Variants in TNXB observed in about 807,000 individuals in gnomAD.
TNXB encodes the protein tenascin-X.
In TNXB, 183 loss-of-function variants were observed where a neutral mutation model predicts 340.5. The ratio of observed to expected loss-of-function variants is 0.54; its 90% CI spans 0.48 to 0.61. The LOEUF (loss-of-function observed/expected upper bound fraction) is 0.61, where lower values mean the gene tolerates loss of function less well. TNXB is among the 20% of genes least tolerant of loss of function. TNXB has a pLI of 0.00. For missense variants in TNXB, 4,613 were observed against 5,446.4 expected (o/e 0.85, Z 4.82); for synonymous variants, 2,121 against 2,314.5 (o/e 0.92, Z 2.40).
rs145762911 is a variant in TNXB at position 32,054,860 on chromosome 6, C to G, written c.8467+991G>C. 9.1e-4 allele frequency among the ~76,000 whole-genome samples: 138 copies of G among 152,338 alleles called. 2 individuals are homozygous for G. In the East Asian group the frequency reaches 0.025, roughly 27 times the overall value. ...TGGGGCTGGCCTGGCACAGTCTGGT[C>G]TTGGCGTGGTCCAGTTGAACAGACA... On this transcript the variant is annotated intron_variant, in intron 24 of 43. Coordinates refer to ENST00000644971, the MANE Select transcript of TNXB (RefSeq NM_001365276.2).
rs188755667 is a variant in TNXB at position 32,109,327 on chromosome 6, G to C, written c.-155C>G. The C allele has an allele frequency of 4.6e-5, 7 of 152,312 alleles. No individual in the cohort carries two copies. Among genetic ancestry groups the C allele is most frequent in the Non-Finnish European group, 8.8e-5 (6 of 68,100 alleles). The allele number at this position is 152,312 out of a possible 1,614,324, so 9.4% of individuals were successfully genotyped here. ...ACAACCGACTGTGGATCTCGGCAGC[G>C]ACAGTGAGGAGGGAGTCTGCAGCGA... On this transcript the variant is annotated 5_prime_UTR_variant, in exon 1 of 44. Transcript: ENST00000644971.
chr6:32,086,223 A>G, intron 6 of TNXB, 105 bp from the exon 7 acceptor site: 2 of 1,327,782 alleles, frequency 1.5e-6, no homozygotes, highest in African/African-American at 1.5e-5. Context: ...GCCTTGTTCT[A>G]CTTCTACTTC....
intron 6 of TNXB, among the ~76,000 whole-genome samples, chr6:32,088,166 A>C (rs1779902548): frequency 1.3e-5 from 2 of 151,964 alleles, no homozygotes; most frequent in South Asian, 2.1e-4. Flanking sequence ...CAGCCCCCCC[A>C]TTCCCCTCCA....
chr6:32,043,929 C>G (rs775589079), intron 34 of TNXB, 37 bp from the exon 35 acceptor site: 1 of 1,613,056 alleles, frequency 6.2e-7, no homozygotes, highest in East Asian at 2.2e-5. Flanking sequence ...CCCAGGGAAC[C>G]CCAGGGCAGC....
At position 32,048,084 on chromosome 6, in the gene TNXB, T is replaced by TG. The variant is rs1777015689; in HGVS notation, c.10046-73dup. 5.2e-6 allele frequency: 8 copies of TG among 1,531,148 alleles called. No homozygotes were observed. The Admixed American group carries it at 1.3e-4, about 24-fold the overall frequency. The allele number at this position is 1,531,148 out of a possible 1,614,324, so 94.8% of individuals were successfully genotyped here. Reference sequence around the variant, plus strand: ...GGCCACGGAGCTTCCTGGGCTGCTATGGCTCTGTGAGCCGGTCCCAGGAAC... The same window carrying TG: ...GGCCACGGAGCTTCCTGGGCTGCTATGGGCTCTGTGAGCCGGTCCCAGGAAC... On this transcript the variant is annotated intron_variant, in intron 29 of 43. Coordinates refer to ENST00000644971, the MANE Select transcript of TNXB (RefSeq NM_001365276.2).
chr6:32,053,059 A>G, intron 25 of TNXB, 66 bp from the exon 26 acceptor site: 1 of 1,527,612 alleles, frequency 6.5e-7, no homozygotes, highest in Non-Finnish European at 8.9e-7. Flanking sequence ...CTTGTGAGGA[A>G]GGAGAGCGAA....
Position 32,056,742 on chromosome 6 carries a change from T to C in TNXB, c.7987A>G (p.Arg2663Gly), listed in dbSNP as rs1264783637. The stretch of plus-strand genomic sequence containing the variant: ...GCCTTGGGCTGCCCATCCCCATTCC[T>C]GTACTGGACCAGGAAGTGGTCAAAC... The part of the protein sequence containing the change: ...GQFDHFLVQY[R>G]NGDGQPKAVR... Residue 2663 changes from arginine to glycine, a missense_variant, in exon 23 of 44, where the codon AGG becomes GGG. Arg to Gly is a moderately radical substitution (Grantham distance 125). Transcript: ENST00000644971. 1.2e-6 allele frequency: 2 copies of C among 1,613,146 alleles called. No individual in the cohort carries two copies. Among genetic ancestry groups the C allele is most frequent in the Admixed American group, 3.3e-5 (2 of 60,004 alleles).
In TNXB at chr6:32,070,814, GC is replaced by G. The variant is rs1396729550; in HGVS notation, c.4991-401del. ...CCTGAGGAAAGGGGTGATTTGGCCGGCCCCGAGGAGCGCAGGATCCCTGATG... is the reference window on the plus strand; with the variant it reads ...CCTGAGGAAAGGGGTGATTTGGCCGGCCCGAGGAGCGCAGGATCCCTGATG... On this transcript the variant is annotated intron_variant, in intron 13 of 43. Coordinates refer to ENST00000644971, the MANE Select transcript of TNXB (RefSeq NM_001365276.2). This position sits in a 1 kb window ranked among gnomAD's most constrained non-coding sequence, Gnocchi z 6.0. 6.6e-6 allele frequency among the ~76,000 whole-genome samples: 1 copy of G among 152,180 alleles called. No homozygotes were observed. Among genetic ancestry groups the G allele is most frequent in the Non-Finnish European group, 1.5e-5 (1 of 68,022 alleles).
chr6:32,088,258 G>A (rs1041978052), intron 6 of TNXB, among the ~76,000 whole-genome samples: 3 of 152,174 alleles, frequency 2.0e-5, no homozygotes, highest in East Asian at 3.8e-4. Context: ...AAGGGGAGTC[G>A]GGGAAGAGAA....
chr6:32,069,515 G>T lies in TNXB; in HGVS notation c.5587+38C>A. The T allele has an allele frequency of 6.6e-7, 1 of 1,517,926 alleles. No homozygotes were observed. The highest frequency in any genetic ancestry group is 8.8e-7 in the Non-Finnish European group (1 of 1,131,618). 94.0% of individuals were successfully genotyped at this position (1,517,926 alleles called of 1,614,324 possible). On this transcript the variant is annotated intron_variant, in intron 15 of 43. Transcript: ENST00000644971. This position sits in a 1 kb window ranked among gnomAD's most constrained non-coding sequence, Gnocchi z 6.2. ...TCAGTCAGACCAGGAGAGCCAGGCG[G>T]GAAGGAGGCACAGGTGTTCCAGCTG...
At chr6:32,065,621 T>G (rs1404959796) in intron 18 of TNXB, among the ~76,000 whole-genome samples, 1 of 152,036 alleles carries the variant, frequency 6.6e-6, no homozygotes, top group African/African-American at 2.4e-5. Flanking sequence ...ATTTTATTAT[T>G]TATTTATTTA....
Position 32,097,472 on chromosome 6 carries a change from A to T in TNXB, c.404-23T>A. Reference sequence around the variant, plus strand: ...GACCTGGAGTAGGAGGGGAGAGGCAAGTCTCAGTCTCTCTCCTGGGAGAGA... The same window carrying T: ...GACCTGGAGTAGGAGGGGAGAGGCATGTCTCAGTCTCTCTCCTGGGAGAGA... On this transcript the variant is annotated intron_variant, in intron 2 of 43. Coordinates refer to ENST00000644971, the MANE Select transcript of TNXB (RefSeq NM_001365276.2). The surrounding 1 kb of genome is among the most constrained non-coding windows in gnomAD (Gnocchi z 5.9). The T allele has an allele frequency of 6.4e-7, 1 of 1,572,644 alleles. No homozygotes were observed. Among genetic ancestry groups the T allele is most frequent in the Non-Finnish European group, 8.6e-7 (1 of 1,162,696 alleles).
At position 32,097,129 on chromosome 6, in the gene TNXB, G is replaced by A; in HGVS notation, c.724C>T (p.Pro242Ser). ...GGGCAGGAGCGCTGGCTGCAGTCGG[G>A]GCCTGAGAAGCCTGCCCGGCACACA... ...VCVCRAGFSG[P>S]DCSQRSCPRG... The change falls in exon 3 of 44, where the codon CCC becomes TCC. Residue 242 changes from proline (P) to serine (S), a missense_variant. Pro to Ser is a moderately conservative substitution (Grantham distance 74). Around this residue, in one of 7 missense-constraint regions of TNXB, gnomAD observed 4,327 missense variants for 4,859.4 expected, o/e 0.89. Coordinates refer to ENST00000644971, the MANE Select transcript of TNXB (RefSeq NM_001365276.2). The surrounding 1 kb of genome is among the most constrained non-coding windows in gnomAD (Gnocchi z 5.9). 1 of 1,607,120 alleles carries A rather than the reference G, an allele frequency of 6.2e-7. No individual in the cohort carries two copies. The highest frequency in any genetic ancestry group is 1.1e-5 in the South Asian group (1 of 90,064).
At chr6:32,091,480 ATT>A (rs778449973) in intron 4 of TNXB, among the ~76,000 whole-genome samples, 4 of 122,758 alleles carry the variant, frequency 3.3e-5, no homozygotes, top group Non-Finnish European at 3.5e-5. Flanking sequence ...TGCTTCACTG[ATT>A]TTTTTTTTTT....
chr6:32,079,040 G>A lies in TNXB; in HGVS notation c.4368C>T (p.Gly1456=), dbSNP rs751200506. ...GQRVGPVSAV[G]VTAPQQEETP... ...CCCCTGCCCCTCACTCACCTGTCACGCCCACGGCGGACACCGGGCCCACGC... is the reference window on the plus strand; with the variant it reads ...CCCCTGCCCCTCACTCACCTGTCACACCCACGGCGGACACCGGGCCCACGC... The change falls in exon 11 of 44, where the codon GGC becomes GGT. Residue 1456 remains glycine (G), a synonymous_variant. Coordinates refer to ENST00000644971, the MANE Select transcript of TNXB (RefSeq NM_001365276.2). The surrounding 1 kb of genome is among the most constrained non-coding windows in gnomAD (Gnocchi z 7.1). The A allele has an allele frequency of 7.5e-6, 12 of 1,610,736 alleles. No individual in the cohort carries two copies. The highest frequency in any genetic ancestry group is 1.3e-5 in the African/African-American group (1 of 74,816).
At chr6:32,092,668 CA>C (rs1448728011) in intron 4 of TNXB, among the ~76,000 whole-genome samples, 1 of 136,056 alleles carries the variant, frequency 7.3e-6, no homozygotes, top group African/African-American at 2.8e-5. Context: ...CCAGCCTGAG[CA>C]ACAAGAGCAA....
At chr6:32,056,465 A>C in intron 23 of TNXB, 121 bp downstream of exon 23, 1 of 1,479,498 alleles carries the variant, frequency 6.8e-7, no homozygotes, top group Non-Finnish European at 9.1e-7. Flanking sequence ...GGGGAGCCCC[A>C]GCCACAAGCA....
chr6:32,093,580 T>A (rs1311071082), intron 4 of TNXB: 1 of 489,960 alleles, frequency 2.0e-6, no homozygotes, highest in Non-Finnish European at 3.6e-6. Flanking sequence ...TTTTACAGAG[T>A]CCTGGCTAAG....
At position 32,046,298 on chromosome 6, in the gene TNXB, C is replaced by G. The variant is rs1399084549; in HGVS notation, c.10483G>C (p.Val3495Leu). The G allele has an allele frequency of 6.2e-7, 1 of 1,606,690 alleles. No individual in the cohort carries two copies. The highest frequency in any genetic ancestry group is 1.1e-5 in the South Asian group (1 of 89,720). Residue 3495 changes from valine (V) to leucine (L), a missense_variant, in exon 31 of 44, where the codon GTG (valine) becomes CTG (leucine). Val to Leu is a conservative substitution (Grantham distance 32). Coordinates refer to ENST00000644971, the MANE Select transcript of TNXB (RefSeq NM_001365276.2). The surrounding 1 kb of genome is among the most constrained non-coding windows in gnomAD (Gnocchi z 6.9). The part of the protein sequence containing the change: ...DTDGQPRAVP[V>L]AADQRTVTVE... Reference sequence around the variant, plus strand: ...GTGACTGTGCGCTGGTCTGCGGCCACAGGCACTGCCCTGGGCTGCCCGTCC... The same window carrying G: ...GTGACTGTGCGCTGGTCTGCGGCCAGAGGCACTGCCCTGGGCTGCCCGTCC...
Sources: gnomAD v4.1 joint callset for allele counts (sites outside exome capture counted in the v4.1 genomes callset) on GRCh38, gnomAD v4.1.1 for gene constraint, gnomAD v4.1.1 regional missense constraint, Gnocchi (gnomAD v3.1) non-coding constraint, MANE v1.5 for transcripts, NCBI Gene and HGNC (gene_info 2026-07-23, HGNC 2026-07-21) for gene names.